The following PDE2A variants were observed in gnomAD, a reference collection of about 807,000 sequenced individuals.
The protein encoded by PDE2A is cGMP-dependent 3',5'-cyclic phosphodiesterase.
A neutral mutation model predicts 133.6 loss-of-function variants in PDE2A; 53 were observed. That is an observed-to-expected ratio of 0.40 (90% CI 0.32 to 0.50). PDE2A has a LOEUF of 0.50. Among genes scored for constraint, PDE2A ranks in the 20% least tolerant of loss-of-function variants. The pLI, the probability that PDE2A is intolerant of heterozygous loss-of-function variation, is 0.73. For missense variants in PDE2A, 796 were observed against 1,232.4 expected (o/e 0.65, Z 5.30); for synonymous variants, 491 against 490.2 (o/e 1.00, Z -0.02).
rs1297336200 is a variant in PDE2A at position 72,580,608 on chromosome 11, G to A, written c.2150C>T (p.Ala717Val). The A allele has an allele frequency of 3.8e-6, 6 of 1,567,168 alleles. No individual in the cohort carries two copies. Among genetic ancestry groups the A allele is most frequent in the East Asian group, 2.3e-5 (1 of 43,534 alleles). ...FQVASKSVLA[A>V]LYSSEGSVME... ...GACGGAGCCCTCAGAGCTGTAGAGC[G>A]CAGCCAGCACAGATTTCTGGAAAAG... The change falls in exon 25 of 31, where the codon GCG (alanine) becomes GTG (valine). Residue 717 changes from alanine (A) to valine (V), a missense_variant. Transcript: ENST00000334456.
chr11:72,653,585 T>C (rs1391888), intron 1 of PDE2A, among the ~76,000 whole-genome samples: 1 of 151,702 alleles, frequency 6.6e-6, no homozygotes, highest in East Asian at 1.9e-4. Context: ...CAGGAGGCAA[T>C]ATAGAGATAG....
intron 1 of PDE2A, among the ~76,000 whole-genome samples, chr11:72,662,365 C>T (rs1438387060): frequency 6.6e-6 from 1 of 152,154 alleles, no homozygotes; most frequent in Admixed American, 6.5e-5. Flanking sequence ...CCCTCACTGA[C>T]TCGCCTCCCA....
At chr11:72,596,482 TCTCA>T (rs1291457520) in intron 6 of PDE2A, 107 bp downstream of exon 6, 121 of 220,224 alleles carry the variant, frequency 5.5e-4, no homozygotes, top group Non-Finnish European at 6.5e-4. Context: ...TCTCTCTCTC[TCTCA>T]CACACACACA....
chr11:72,634,758 C>T (rs1217326954), intron 2 of PDE2A, among the ~76,000 whole-genome samples: 2 of 152,232 alleles, frequency 1.3e-5, no homozygotes, highest in African/African-American at 4.8e-5. Context: ...CACTTCCAGT[C>T]CCTGACCTGG....
chr11:72,638,888 A>C (rs1318350480), intron 2 of PDE2A, among the ~76,000 whole-genome samples: 4 of 152,236 alleles, frequency 2.6e-5, no homozygotes, highest in African/African-American at 7.2e-5. Context: ...GGGAATGGCC[A>C]GCAAGATCCC....
Position 72,576,630 on chromosome 11 carries a change from G to T in PDE2A, c.*754C>A, listed in dbSNP as rs1038461963. The T allele has an allele frequency of 5.9e-6, 1 of 169,484 alleles. No individual in the cohort carries two copies. The highest frequency in any genetic ancestry group is 1.5e-5 in the Non-Finnish European group (1 of 68,366). The allele number at this position is 169,484 out of a possible 1,614,324, so 10.5% of individuals were successfully genotyped here. ...TCTTAGAGCATGGATTGTCTTACCC[G>T]CTCCCTGTTTGGCCCAGACAGGGGA... On this transcript the variant is annotated 3_prime_UTR_variant, in exon 31 of 31. Coordinates refer to ENST00000334456, the MANE Select transcript of PDE2A (RefSeq NM_002599.5).
Position 72,579,269 on chromosome 11 carries a change from G to A in PDE2A, c.2356+15C>T, listed in dbSNP as rs1855605925. ...TTCCTCCCCAGCCCCAAGGACTGGGGCTAACAGCAGTCACCCTCAGCCATC... is the reference window on the plus strand; with the variant it reads ...TTCCTCCCCAGCCCCAAGGACTGGGACTAACAGCAGTCACCCTCAGCCATC... On this transcript the variant is annotated intron_variant, in intron 27 of 30. Coordinates refer to ENST00000334456, the MANE Select transcript of PDE2A (RefSeq NM_002599.5). 1 of 1,585,890 alleles carries A rather than the reference G, an allele frequency of 6.3e-7. No individual in the cohort carries two copies. The highest frequency in any genetic ancestry group is 8.7e-7 in the Non-Finnish European group (1 of 1,154,584).
At chr11:72,579,065 G>A (rs1855593337) in intron 27 of PDE2A, 56 bp from the exon 28 acceptor site, 1 of 1,338,012 alleles carries the variant, frequency 7.5e-7, no homozygotes, top group Admixed American at 1.8e-5. Flanking sequence ...GCCCTTCTGA[G>A]GACAAGGCTC....
intron 4 of PDE2A, among the ~76,000 whole-genome samples, chr11:72,602,287 G>A (rs2135342943): frequency 6.6e-6 from 1 of 152,274 alleles, no homozygotes; most frequent in South Asian, 2.1e-4. Flanking sequence ...GGAGCTGGCG[G>A]GGGCCTCCTC....
At chr11:72,624,733 C>T (rs1205732456) in intron 2 of PDE2A, among the ~76,000 whole-genome samples, 1 of 152,258 alleles carries the variant, frequency 6.6e-6, no homozygotes, top group African/African-American at 2.4e-5. Flanking sequence ...GTCAGCATCA[C>T]ACAATCAATA....
chr11:72,617,254 T>C (rs1013072554), intron 2 of PDE2A, among the ~76,000 whole-genome samples: 1 of 152,136 alleles, frequency 6.6e-6, no homozygotes, highest in African/African-American at 2.4e-5. Context: ...CGGCCTGGCC[T>C]AGGGTTAGTG....
intron 1 of PDE2A, among the ~76,000 whole-genome samples, chr11:72,653,725 C>T (rs1018700690): frequency 2.0e-5 from 3 of 152,194 alleles, no homozygotes; most frequent in Admixed American, 1.3e-4. Flanking sequence ...CCTGAGCTGG[C>T]CCCAGTCCTG....
intron 6 of PDE2A, among the ~76,000 whole-genome samples, chr11:72,596,311 A>G (rs1424911226): frequency 6.6e-6 from 1 of 152,000 alleles, no homozygotes; most frequent in African/African-American, 2.4e-5. Context: ...AGGGGCTTGC[A>G]CACCCCTCAG....
intron 22 of PDE2A, 108 bp from the exon 23 acceptor site, chr11:72,581,587 C>A (rs399874): frequency 0.8 from 986,252 of 1,236,666 alleles, 398,077 homozygotes; most frequent in Middle Eastern, 0.87. Context: ...CCCTCCACAG[C>A]CTTCCTTGAT....
intron 1 of PDE2A, among the ~76,000 whole-genome samples, chr11:72,655,980 G>T (rs1854888463): frequency 6.6e-6 from 1 of 152,182 alleles, no homozygotes; most frequent in Non-Finnish European, 1.5e-5. Flanking sequence ...CCTGTGCTGG[G>T]CAAGGCTGTG....
intron 11 of PDE2A, 110 bp from the exon 12 acceptor site, chr11:72,589,350 C>A: frequency 2.5e-6 from 2 of 798,938 alleles, no homozygotes; most frequent in South Asian, 1.5e-5. Flanking sequence ...TCAGTCAGTC[C>A]AAATGGTGGA....
chr11:72,625,245 A>G (rs148248056), intron 2 of PDE2A, among the ~76,000 whole-genome samples: 3,141 of 152,238 alleles, frequency 0.021, 51 homozygotes, highest in Non-Finnish European at 0.031. Flanking sequence ...TGGTCCACCA[A>G]CCTGGATCCC....
chr11:72,585,893 CG>C (rs1855948942), intron 14 of PDE2A, among the ~76,000 whole-genome samples, 176 bp downstream of exon 14: 1 of 152,148 alleles, frequency 6.6e-6, no homozygotes, highest in East Asian at 1.9e-4. Flanking sequence ...ACAGTGCCTG[CG>C]GGCAGTGGCG....
At chr11:72,648,869 A>C (rs1471045922) in intron 1 of PDE2A, among the ~76,000 whole-genome samples, 1 of 152,200 alleles carries the variant, frequency 6.6e-6, no homozygotes, top group Admixed American at 6.5e-5. Context: ...CCTACACCCC[A>C]GTCCTCTACA....
Sources: allele counts gnomAD v4.1 joint callset (sites outside exome capture counted in the v4.1 genomes callset), GRCh38; gene constraint gnomAD v4.1.1; transcripts MANE v1.5; gene names NCBI Gene and HGNC (gene_info 2026-07-23, HGNC 2026-07-21).